The following TOP1 variants were observed in gnomAD, a reference collection of about 807,000 sequenced individuals.
TOP1 encodes DNA topoisomerase I, also known as DNA topoisomerase 1.
Under a neutral mutation model 111.1 loss-of-function variants are expected in TOP1, and 10 were observed. That is an observed-to-expected ratio of 0.09 (90% CI 0.06 to 0.15). TOP1 has a LOEUF of 0.15. Ranked by LOEUF, TOP1 falls within the 10% of genes least tolerant of loss-of-function variation. TOP1 has a pLI of 1.00. For missense variants in TOP1, 474 were observed against 926.7 expected, an observed-to-expected ratio of 0.51 and a Z score of 6.34; for synonymous variants, 271 against 302.9, an observed-to-expected ratio of 0.89 and a Z score of 1.10.
chr20:41,085,382 G>A (rs1287971117), intron 8 of TOP1, among the ~76,000 whole-genome samples: 1 of 152,186 alleles, frequency 6.6e-6, no homozygotes, highest in Non-Finnish European at 1.5e-5. Flanking sequence ...TTCCCTATAG[G>A]AGTGAAAATT....
intron 3 of TOP1, among the ~76,000 whole-genome samples, chr20:41,065,915 C>T (rs1404988143): frequency 6.6e-6 from 1 of 152,018 alleles, no homozygotes; most frequent in Non-Finnish European, 1.5e-5. Context: ...TCATGTCCAA[C>T]AATGGGTGGC....
chr20:41,121,669 T>TA lies in TOP1; in HGVS notation c.1951-25dup. The TA allele has an allele frequency of 6.3e-7, 1 of 1,593,588 alleles. No individual in the cohort carries two copies. The highest frequency in any genetic ancestry group is 8.6e-7 in the Non-Finnish European group (1 of 1,161,306). ...GGAGCCATTTTTCCTCTACAGCTCA[T>TA]AACCTTACCACTATTATTTCCCCTA... On this transcript the variant is annotated intron_variant, in intron 18 of 20. Transcript: ENST00000361337. This position sits in a 1 kb window ranked among gnomAD's most constrained non-coding sequence, Gnocchi z 4.2.
intron 2 of TOP1, among the ~76,000 whole-genome samples, chr20:41,033,538 G>T (rs562177444): frequency 6.6e-6 from 1 of 152,124 alleles, no homozygotes; most frequent in South Asian, 2.1e-4. Flanking sequence ...GTGCATGTGT[G>T]GGGTGGGGAG....
chr20:41,068,919 C>G (rs1236666809), intron 3 of TOP1, among the ~76,000 whole-genome samples: 1 of 152,130 alleles, frequency 6.6e-6, no homozygotes, highest in Admixed American at 6.5e-5. Context: ...AATGAAATTC[C>G]TCCTAGTTTT....
intron 2 of TOP1, among the ~76,000 whole-genome samples, chr20:41,053,759 T>G (rs528452896): frequency 5.2e-5 from 8 of 152,388 alleles, no homozygotes; most frequent in African/African-American, 1.7e-4. Flanking sequence ...TGCTATTCCA[T>G]TGATCTGCCA....
intron 3 of TOP1, among the ~76,000 whole-genome samples, chr20:41,064,605 C>T (rs1167847015): frequency 6.6e-6 from 1 of 152,174 alleles, no homozygotes; most frequent in Non-Finnish European, 1.5e-5. Context: ...TTTTCTGATG[C>T]CGCTAAGCCT....
At chr20:41,091,322 C>T (rs997442481) in intron 8 of TOP1, among the ~76,000 whole-genome samples, 3 of 151,996 alleles carry the variant, frequency 2.0e-5, no homozygotes, top group African/African-American at 7.3e-5. Context: ...TGAGTTGGAT[C>T]CTGGTCTATA....
chr20:41,089,028 T>C (rs919206585), intron 8 of TOP1, among the ~76,000 whole-genome samples: 2 of 127,072 alleles, frequency 1.6e-5, no homozygotes, highest in Non-Finnish European at 3.2e-5. Flanking sequence ...TTCTTTTTTT[T>C]TTTTTTTTTT....
intron 13 of TOP1, among the ~76,000 whole-genome samples, chr20:41,111,429 A>G (rs990019256): frequency 2.6e-5 from 4 of 152,216 alleles, no homozygotes; most frequent in African/African-American, 4.8e-5. Flanking sequence ...AAACAAGTGC[A>G]TAACACTGGT....
chr20:41,099,515 A>G (rs2034029324), intron 11 of TOP1, among the ~76,000 whole-genome samples: 1 of 152,188 alleles, frequency 6.6e-6, no homozygotes, highest in African/African-American at 2.4e-5. Flanking sequence ...GAGTCAATAG[A>G]GGGTAAGGAG....
In TOP1 at chr20:41,071,129, C is replaced by G. The variant is rs985646548; in HGVS notation, c.156-5042C>G. Among the ~76,000 whole-genome samples, 2 of 152,022 alleles carry G rather than the reference C, an allele frequency of 1.3e-5. No individual in the cohort carries two copies. The highest frequency in any genetic ancestry group is 2.9e-5 in the Non-Finnish European group (2 of 68,006). ...AGTATTTTGTTGTGGTAGCGGTGGT[C>G]TTTTTTCCTAAAGAAACAGTGCTTC... On this transcript the variant is annotated intron_variant, in intron 3 of 20. Coordinates refer to ENST00000361337, the MANE Select transcript of TOP1 (RefSeq NM_003286.4). This position sits in a 1 kb window ranked among gnomAD's most constrained non-coding sequence, Gnocchi z 4.3.
In TOP1 at chr20:41,029,205, C is replaced by T; in HGVS notation, c.33+105C>T. The T allele has an allele frequency of 1.0e-6, 1 of 970,230 alleles. No individual in the cohort carries two copies. The highest frequency in any genetic ancestry group is 1.4e-6 in the Non-Finnish European group (1 of 715,346). 60.1% of individuals were successfully genotyped at this position (970,230 alleles called of 1,614,324 possible). On this transcript the variant is annotated intron_variant, in intron 1 of 20. Transcript: ENST00000361337. The surrounding 1 kb of genome is among the most constrained non-coding windows in gnomAD (Gnocchi z 6.1). ...CCCCGGCCCGGCAGCTTTGACAGGCCGGAGCCCCCGGTGAGGGGCCGCCTG... is the reference window on the plus strand; with the variant it reads ...CCCCGGCCCGGCAGCTTTGACAGGCTGGAGCCCCCGGTGAGGGGCCGCCTG...
rs1345062677 is a variant in TOP1 at position 41,095,086 on chromosome 20, C to CT, written c.731-2133dup. ...TATTTATTTGAGACAGAGTCACACT[C>CT]TGTCACCCAGGCTGGAGTGCAGTGG... On this transcript the variant is annotated intron_variant, in intron 9 of 20. Coordinates refer to ENST00000361337, the MANE Select transcript of TOP1 (RefSeq NM_003286.4). This position sits in a 1 kb window ranked among gnomAD's most constrained non-coding sequence, Gnocchi z 4.6. 1.3e-5 allele frequency among the ~76,000 whole-genome samples: 2 copies of CT among 151,964 alleles called. No homozygotes were observed. Among genetic ancestry groups the CT allele is most frequent in the African/African-American group, 4.8e-5 (2 of 41,418 alleles).
intron 2 of TOP1, among the ~76,000 whole-genome samples, chr20:41,033,434 A>G (rs1203374282): frequency 1.3e-5 from 2 of 151,912 alleles, no homozygotes; most frequent in East Asian, 3.9e-4. Flanking sequence ...AGTTGGAAAG[A>G]CATTCATTAG....
intron 3 of TOP1, among the ~76,000 whole-genome samples, chr20:41,065,856 G>A (rs1372387428): frequency 6.6e-6 from 1 of 152,022 alleles, no homozygotes; most frequent in Non-Finnish European, 1.5e-5. Flanking sequence ...ACATGTTTGA[G>A]TTCCACTTTC....
rs753650487 is a variant in TOP1, at chr20:41,071,398, G to A, written c.156-4773G>A. ...CCTCAGTCTATCGCCAGGCTGGAGT[G>A]CAGTGGCGTGATCTCGGCTCACTGC... On this transcript the variant is annotated intron_variant, in intron 3 of 20. Coordinates refer to ENST00000361337, the MANE Select transcript of TOP1 (RefSeq NM_003286.4). This position sits in a 1 kb window ranked among gnomAD's most constrained non-coding sequence, Gnocchi z 4.3. Among the ~76,000 whole-genome samples the A allele has an allele frequency of 2.6e-5, 4 of 151,388 alleles. No homozygotes were observed. The highest frequency in any genetic ancestry group is 5.9e-5 in the Non-Finnish European group (4 of 67,928).
chr20:41,055,847 T>C (rs2033463586), intron 2 of TOP1, among the ~76,000 whole-genome samples: 1 of 152,226 alleles, frequency 6.6e-6, no homozygotes, highest in Admixed American at 6.5e-5. Context: ...TTTTATCTCT[T>C]ACTATGCCTT....
chr20:41,098,374 G>A lies in TOP1; in HGVS notation c.975+37G>A, dbSNP rs755327069. 6.3e-7 allele frequency: 1 copy of A among 1,596,858 alleles called. No homozygotes were observed. The highest frequency in any genetic ancestry group is 1.8e-5 in the Admixed American group (1 of 56,284). ...TTTATTAAACCTCTGGAGAATTCTG[G>A]AATTGTGATTGGTTCATTTAACTTT... On this transcript the variant is annotated intron_variant, in intron 11 of 20. Transcript: ENST00000361337. This position sits in a 1 kb window ranked among gnomAD's most constrained non-coding sequence, Gnocchi z 5.7.
At chr20:41,048,478 A>G (rs1277526384) in intron 2 of TOP1, among the ~76,000 whole-genome samples, 1 of 152,242 alleles carries the variant, frequency 6.6e-6, no homozygotes, top group East Asian at 1.9e-4. Context: ...TCATGTGACC[A>G]GACGTAAGGG....
Sources: gnomAD v4.1 joint callset for allele counts (sites outside exome capture counted in the v4.1 genomes callset) on GRCh38, gnomAD v4.1.1 for gene constraint, Gnocchi (gnomAD v3.1) non-coding constraint, MANE v1.5 for transcripts, NCBI Gene and HGNC (gene_info 2026-07-23, HGNC 2026-07-21) for gene names.